The following PIK3C2G variants were observed in gnomAD, a reference collection of about 807,000 sequenced individuals.
PIK3C2G encodes the protein phosphatidylinositol-4-phosphate 3-kinase catalytic subunit type 2 gamma, also known as phosphatidylinositol 3-kinase C2 domain-containing subunit gamma.
A neutral mutation model predicts 181.1 loss-of-function variants in PIK3C2G; 168 were observed. The ratio of observed to expected loss-of-function variants is 0.93; its 90% CI spans 0.82 to 1.05. The LOEUF (loss-of-function observed/expected upper bound fraction) is 1.05, where lower values mean the gene tolerates loss of function less well. PIK3C2G is among the 50% of genes least tolerant of loss of function. PIK3C2G has a pLI of 0.00. For synonymous variants in PIK3C2G, 573 were observed against 592.2 expected (o/e 0.97, Z 0.47); for missense variants, 1,869 against 1,732.8 (o/e 1.08, Z -1.40).
the PIK3C2G span, among the ~76,000 whole-genome samples, chr12:18,661,530 T>C: frequency 6.6e-6 from 1 of 152,004 alleles, no homozygotes; most frequent in South Asian, 2.1e-4. Flanking sequence ...AAATAAGGGA[T>C]AAACAAGAAT....
intron 1 of PIK3C2G, among the ~76,000 whole-genome samples, chr12:18,266,040 A>T (rs1166451392): frequency 2.2e-5 from 3 of 138,830 alleles, no homozygotes; most frequent in Non-Finnish European, 4.7e-5. Context: ...AAAAAAAAAA[A>T]ACACTACGCA....
At chr12:18,659,991 A>G in the PIK3C2G span, among the ~76,000 whole-genome samples, 1 of 152,136 alleles carries the variant, frequency 6.6e-6, no homozygotes. Context: ...AATGTAAAAA[A>G]CAAATGTTGG....
chr12:18,255,089 A>T lies in PIK3C2G; in HGVS notation c.-79+7007A>T, dbSNP rs151250027. On this transcript the variant is annotated intron_variant, in intron 1 of 11. Transcript: ENST00000535651. ...ACTAAAAGTACAAAATTAGTCGGGC[A>T]CATGCCTGACCAGCTACTTGGGAGG... Among the ~76,000 whole-genome samples, 145 of 151,646 alleles carry T rather than the reference A, an allele frequency of 9.6e-4. 2 individuals carry two copies. The East Asian group carries it at 0.024, about 25-fold the overall frequency.
the PIK3C2G span, among the ~76,000 whole-genome samples, chr12:18,668,613 C>T: frequency 6.6e-6 from 1 of 152,140 alleles, no homozygotes; most frequent in Non-Finnish European, 1.5e-5. Context: ...GACCAACACC[C>T]TGGGGAAGCC....
chr12:18,395,311 T>C (rs1452315258), intron 15 of PIK3C2G, among the ~76,000 whole-genome samples: 2 of 148,240 alleles, frequency 1.3e-5, no homozygotes, highest in Non-Finnish European at 1.5e-5. Context: ...AAACACTAAA[T>C]ACAGGCCTCT....
At chr12:18,694,528 C>T in the PIK3C2G span, among the ~76,000 whole-genome samples, 1 of 152,086 alleles carries the variant, frequency 6.6e-6, no homozygotes, top group Non-Finnish European at 1.5e-5. Flanking sequence ...AAGAAAAGGG[C>T]TCCTAAAATT....
At chr12:18,546,265 A>G in intron 25 of PIK3C2G, 58 bp from the exon 26 acceptor site, 1 of 1,023,090 alleles carries the variant, frequency 9.8e-7, no homozygotes, top group Non-Finnish European at 1.5e-6. Flanking sequence ...AGTAAGCTTG[A>G]TTGTATCTGC....
chr12:18,443,369 T>C (rs1157942115), intron 18 of PIK3C2G, among the ~76,000 whole-genome samples: 1 of 152,140 alleles, frequency 6.6e-6, no homozygotes, highest in Non-Finnish European at 1.5e-5. Flanking sequence ...ATAAAAAATA[T>C]CAGTATATTT....
At chr12:18,697,177 T>A in the PIK3C2G span, among the ~76,000 whole-genome samples, 6 of 152,122 alleles carry the variant, frequency 3.9e-5, no homozygotes, top group Non-Finnish European at 8.8e-5. Flanking sequence ...CATGGGAGAA[T>A]GGTTACTGCT....
intron 3 of PIK3C2G, among the ~76,000 whole-genome samples, chr12:18,288,096 A>G (rs1170170860): frequency 2.0e-5 from 3 of 152,098 alleles, no homozygotes; most frequent in African/African-American, 7.2e-5. Flanking sequence ...TGGGAGGTGG[A>G]GATTGCAGTG....
At chr12:18,712,025 TATGTA>T in the PIK3C2G span, among the ~76,000 whole-genome samples, 3 of 152,190 alleles carry the variant, frequency 2.0e-5, no homozygotes, top group Admixed American at 6.5e-5. Flanking sequence ...GTTGACAGAT[TATGTA>T]ATGTATTGAC....
At chr12:18,417,835 C>G (rs1945267210) in intron 16 of PIK3C2G, among the ~76,000 whole-genome samples, 1 of 151,918 alleles carries the variant, frequency 6.6e-6, no homozygotes, top group African/African-American at 2.4e-5. Context: ...TGCAATATCT[C>G]TGAGGTATGC....
chr12:18,416,357 A>G (rs1322601736), intron 16 of PIK3C2G, among the ~76,000 whole-genome samples: 1 of 152,244 alleles, frequency 6.6e-6, no homozygotes, highest in Non-Finnish European at 1.5e-5. Flanking sequence ...CAAGTTATCC[A>G]TAAGATCCAG....
intron 5 of PIK3C2G, among the ~76,000 whole-genome samples, chr12:18,301,191 C>G (rs1950161069): frequency 6.6e-6 from 1 of 151,980 alleles, no homozygotes; most frequent in African/African-American, 2.4e-5. Context: ...TGGAAAAGAC[C>G]TTTTTGGGTT....
chr12:18,600,964 C>A (rs1322551587), intron 30 of PIK3C2G, among the ~76,000 whole-genome samples: 1 of 151,944 alleles, frequency 6.6e-6, no homozygotes, highest in East Asian at 1.9e-4. Flanking sequence ...TTATGATGCA[C>A]ATAAAGTATT....
rs1435418055 is a variant in PIK3C2G, at chr12:18,298,374, ATTTG to A, written c.1034+4366_1034+4369del. 2.5e-4 allele frequency among the ~76,000 whole-genome samples: 34 copies of A among 134,458 alleles called. No individual in the cohort carries two copies. The East Asian group carries it at 5.8e-3, about 23-fold the overall frequency. The allele number at this position is 134,458 out of a possible 152,430, so 88.2% of individuals were successfully genotyped here. On this transcript the variant is annotated intron_variant, in intron 5 of 32. Coordinates refer to ENST00000538779, the MANE Select transcript of PIK3C2G (RefSeq NM_001288772.2). Reference sequence around the variant, plus strand: ...TGCTTGCCCACTTTTTGATGGGATTATTTGTTTGTTCATTTTTAGTTTGTGTGTT... The same window carrying A: ...TGCTTGCCCACTTTTTGATGGGATTATTTGTTCATTTTTAGTTTGTGTGTT...
Position 18,391,131 on chromosome 12 carries a change from C to A in PIK3C2G, c.2005C>A (p.Pro669Thr). 6.3e-7 allele frequency: 1 copy of A among 1,595,588 alleles called. No homozygotes were observed. Among genetic ancestry groups the A allele is most frequent in the Admixed American group, 1.7e-5 (1 of 57,372 alleles). Reference protein sequence around the residue: ...PSPVTLQIDFPATGWEYMKPD... With the variant: ...PSPVTLQIDFTATGWEYMKPD... Reference sequence around the variant, plus strand: ...ATTTTTTTTCTTTCAGATTGATTTTCCAGCTACTGGGTGGGAGTATATGAA... The same window carrying A: ...ATTTTTTTTCTTTCAGATTGATTTTACAGCTACTGGGTGGGAGTATATGAA... The change falls in exon 15 of 33, where the codon CCA becomes ACA. Residue 669 changes from proline (P) to threonine (T), a missense_variant. Physicochemically the swap from Pro to Thr is conservative, Grantham distance 38. Transcript: ENST00000538779.
At chr12:18,412,056 A>G (rs1944896267) in intron 16 of PIK3C2G, among the ~76,000 whole-genome samples, 1 of 152,130 alleles carries the variant, frequency 6.6e-6, no homozygotes, top group African/African-American at 2.4e-5. Flanking sequence ...CACCGGCCCT[A>G]TTGACATTTG....
chr12:18,256,354 C>T (rs1383129459), intron 1 of PIK3C2G, among the ~76,000 whole-genome samples: 2 of 152,048 alleles, frequency 1.3e-5, no homozygotes, highest in Non-Finnish European at 2.9e-5. Flanking sequence ...GGCAGTGTTG[C>T]TATGCACGCA....
Sources: allele counts gnomAD v4.1 joint callset (sites outside exome capture counted in the v4.1 genomes callset), GRCh38; gene constraint gnomAD v4.1.1; transcripts MANE v1.5; gene names NCBI Gene and HGNC (gene_info 2026-07-23, HGNC 2026-07-21).